The following PCDH15 variants were observed in gnomAD, a reference collection of about 807,000 sequenced individuals.
PCDH15 encodes protocadherin-15.
PCDH15 carries 129 observed loss-of-function variants against 178.5 expected under a neutral mutation model. That is an observed-to-expected ratio of 0.72 (90% CI 0.63 to 0.84). The LOEUF (loss-of-function observed/expected upper bound fraction) is 0.84. Among genes scored for constraint, PCDH15 ranks in the 40% least tolerant of loss-of-function variants. The pLI is 0.00. For synonymous variants in PCDH15, 800 were observed against 732.0 expected (o/e 1.09, Z -1.50); for missense variants, 2,230 against 2,099.9 (o/e 1.06, Z -1.21).
At chr10:54,573,383 C>G (rs1026216521) in intron 2 of PCDH15, among the ~76,000 whole-genome samples, 10 of 152,052 alleles carry the variant, frequency 6.6e-5, no homozygotes, top group African/African-American at 2.4e-4. Flanking sequence ...TCTCCTCTAC[C>G]AACACATACA....
chr10:55,064,809 A>G (rs886588782), intron 2 of PCDH15, among the ~76,000 whole-genome samples: 5 of 152,100 alleles, frequency 3.3e-5, no homozygotes, highest in African/African-American at 9.7e-5. Flanking sequence ...AATGAAAACA[A>G]AGACATTTTA....
chr10:55,210,062 C>T (rs1439911668), intron 1 of PCDH15, among the ~76,000 whole-genome samples: 1 of 150,962 alleles, frequency 6.6e-6, no homozygotes, highest in Non-Finnish European at 1.5e-5. Flanking sequence ...ATCATAGAAG[C>T]CAAAAAAGAG....
intron 2 of PCDH15, among the ~76,000 whole-genome samples, chr10:55,589,970 C>G (rs1159045504): frequency 6.9e-6 from 1 of 144,620 alleles, no homozygotes; most frequent in Admixed American, 7.0e-5. Flanking sequence ...GGGGTATATA[C>G]CCAAAGGACT....
chr10:55,280,709 G>A (rs993574346), intron 1 of PCDH15, among the ~76,000 whole-genome samples: 6 of 152,032 alleles, frequency 3.9e-5, no homozygotes, highest in African/African-American at 1.5e-4. Flanking sequence ...TGTAGATAGA[G>A]TCTAGTAAAC....
chr10:54,822,799 C>T (rs1030735789), intron 3 of PCDH15, among the ~76,000 whole-genome samples: 1 of 151,864 alleles, frequency 6.6e-6, no homozygotes, highest in Non-Finnish European at 1.5e-5. Context: ...TCCATTGTTA[C>T]TTGTCTTTTT....
chr10:54,993,639 G>A (rs1051739955), intron 2 of PCDH15, among the ~76,000 whole-genome samples: 6 of 151,922 alleles, frequency 3.9e-5, no homozygotes, highest in African/African-American at 1.5e-4. Flanking sequence ...GTAGTAATAC[G>A]CAACACACAA....
chr10:54,278,961 A>G (rs183339442), intron 8 of PCDH15, among the ~76,000 whole-genome samples: 2 of 151,704 alleles, frequency 1.3e-5, no homozygotes, highest in East Asian at 1.9e-4. Flanking sequence ...AAAAAAGTAT[A>G]CATGATATTA....
chr10:54,710,252 A>G (rs1273859388), intron 1 of PCDH15, among the ~76,000 whole-genome samples: 1 of 152,160 alleles, frequency 6.6e-6, no homozygotes, highest in African/African-American at 2.4e-5. Flanking sequence ...GGTAAATGAA[A>G]CATCAGTTTT....
At chr10:54,838,531 C>T (rs1270678951) in intron 3 of PCDH15, among the ~76,000 whole-genome samples, 3 of 152,056 alleles carry the variant, frequency 2.0e-5, no homozygotes, top group African/African-American at 2.4e-5. Context: ...TACCCAGTCT[C>T]GAGTATTTCT....
chr10:54,386,542 T>C (rs918894709), intron 3 of PCDH15, among the ~76,000 whole-genome samples: 3 of 152,162 alleles, frequency 2.0e-5, no homozygotes, highest in Non-Finnish European at 4.4e-5. Context: ...GATTATCTAC[T>C]TTCTCAACAT....
At chr10:53,816,118 C>A (rs1211530547) in intron 35 of PCDH15, 121 bp downstream of exon 35, 2 of 394,326 alleles carry the variant, frequency 5.1e-6, no homozygotes, top group Non-Finnish European at 8.9e-6. Context: ...AGACTCTTTT[C>A]TTTTCCTTTA....
chr10:53,863,109 T>C (rs1320166077), intron 27 of PCDH15, among the ~76,000 whole-genome samples: 1 of 152,226 alleles, frequency 6.6e-6, no homozygotes, highest in Non-Finnish European at 1.5e-5. Context: ...TTGCTACATG[T>C]ACAGATAAAT....
chr10:54,822,569 T>G (rs1304709061), intron 3 of PCDH15, among the ~76,000 whole-genome samples: 1 of 152,198 alleles, frequency 6.6e-6, no homozygotes, highest in East Asian at 1.9e-4. Context: ...ACATGTTTGC[T>G]GTTTGTGAGT....
At chr10:55,606,911 C>A (rs1843232309) in intron 2 of PCDH15, among the ~76,000 whole-genome samples, 1 of 146,706 alleles carries the variant, frequency 6.8e-6, no homozygotes, top group Admixed American at 6.8e-5. Context: ...TCTAATTAAA[C>A]TAAAGAGCTT....
At chr10:54,530,558 T>G (rs1015036653) in intron 2 of PCDH15, among the ~76,000 whole-genome samples, 3 of 152,198 alleles carry the variant, frequency 2.0e-5, no homozygotes, top group African/African-American at 7.2e-5. Context: ...CAATGTAGTC[T>G]GCTAAGCTAC....
intron 2 of PCDH15, among the ~76,000 whole-genome samples, chr10:54,905,356 G>C (rs147268515): frequency 6.6e-6 from 1 of 151,652 alleles, no homozygotes; most frequent in Non-Finnish European, 1.5e-5. Context: ...TATTTATTTC[G>C]CTGAAATGTA....
At chr10:54,758,861 T>C (rs368532920) in intron 1 of PCDH15, among the ~76,000 whole-genome samples, 21 of 152,346 alleles carry the variant, frequency 1.4e-4, no homozygotes, top group East Asian at 9.6e-4. Flanking sequence ...TTCCGGGTTA[T>C]AGGACTTCTC....
At chr10:54,310,424 G>C (rs2060833315) in intron 8 of PCDH15, among the ~76,000 whole-genome samples, 1 of 152,086 alleles carries the variant, frequency 6.6e-6, no homozygotes, top group Admixed American at 6.6e-5. Flanking sequence ...ATTTGAGTAA[G>C]AGTATATAGG....
At chr10:55,488,491 A>G (rs1410586604) in intron 2 of PCDH15, among the ~76,000 whole-genome samples, 1 of 151,614 alleles carries the variant, frequency 6.6e-6, no homozygotes, top group Non-Finnish European at 1.5e-5. Flanking sequence ...TTACAGGCAG[A>G]GGAAAGGTAA....
Sources: allele counts gnomAD v4.1 joint callset (sites outside exome capture counted in the v4.1 genomes callset), GRCh38; gene constraint gnomAD v4.1.1; transcripts MANE v1.5; gene names NCBI Gene and HGNC (gene_info 2026-07-23, HGNC 2026-07-21).